ALDH3A2: variants seen among roughly 807,000 people sequenced by gnomAD.
ALDH3A2 encodes the protein aldehyde dehydrogenase family 3 member A2.
Under a neutral mutation model 51.3 loss-of-function variants are expected in ALDH3A2, and 36 were observed. The observed-to-expected ratio is 0.70, with a 90% CI of 0.54 to 0.93. The LOEUF is 0.93. Among genes scored for constraint, ALDH3A2 ranks in the 40% least tolerant of loss-of-function variants. The pLI, the probability that ALDH3A2 is intolerant of heterozygous loss-of-function variation, is 0.00. For missense variants in ALDH3A2, 552 were observed against 603.1 expected, an observed-to-expected ratio of 0.92 and a Z score of 0.89; for synonymous variants, 199 against 219.8, an observed-to-expected ratio of 0.91 and a Z score of 0.84.
At position 19,672,652 on chromosome 17, in the gene ALDH3A2, C is replaced by T. The variant is rs142620636; in HGVS notation, c.1443+696C>T. Among the ~76,000 whole-genome samples, 192 of 152,228 alleles carry T rather than the reference C, an allele frequency of 1.3e-3. 1 individual carries two copies. The highest frequency in any genetic ancestry group is 4.1e-3 in the African/African-American group (170 of 41,530). On this transcript the variant is annotated intron_variant, in intron 9 of 9. Coordinates refer to ENST00000176643, the MANE Select transcript of ALDH3A2 (RefSeq NM_000382.3). The stretch of plus-strand genomic sequence containing the variant: ...CAATTGTGTCTGTGGTGCCCTCAGC[C>T]GTTCAACTGAGGATATAACATTGAA...
intron 1 of ALDH3A2, among the ~76,000 whole-genome samples, chr17:19,651,208 A>T (rs1409897891): frequency 6.6e-6 from 1 of 152,238 alleles, no homozygotes; most frequent in Non-Finnish European, 1.5e-5. Context: ...GTGTGTTCAG[A>T]GCAGACCTTT....
chr17:19,657,650 T>G, intron 4 of ALDH3A2, 95 bp from the exon 5 acceptor site: 2 of 953,932 alleles, frequency 2.1e-6, no homozygotes, highest in Admixed American at 3.5e-5. Flanking sequence ...TATGAATCTA[T>G]TTTAGTTGCA....
At chr17:19,675,092 T>C (rs1044048339) in intron 9 of ALDH3A2, 1 of 159,358 alleles carries the variant, frequency 6.3e-6, no homozygotes, top group Non-Finnish European at 1.4e-5. Context: ...CAACTAAATA[T>C]GACATTTGAA....
intron 3 of ALDH3A2, among the ~76,000 whole-genome samples, chr17:19,653,360 G>A (rs528623758): frequency 1.3e-5 from 2 of 152,228 alleles, no homozygotes; most frequent in South Asian, 2.1e-4. Flanking sequence ...GAATTGGTGG[G>A]TTCTCGGTCT....
intron 3 of ALDH3A2, among the ~76,000 whole-genome samples, chr17:19,655,974 TGAGACA>T (rs2084889574): frequency 6.6e-6 from 1 of 152,264 alleles, no homozygotes. Flanking sequence ...CTCTGTGTTG[TGAGACA>T]GAGAACATTC....
intron 8 of ALDH3A2, 62 bp from the exon 9 acceptor site, chr17:19,671,659 T>TA: frequency 9.7e-6 from 14 of 1,445,102 alleles, no homozygotes; most frequent in Non-Finnish European, 9.7e-6. Context: ...CGGTCGTTGT[T>TA]AGACAGAAGT....
At chr17:19,663,221 C>A in intron 6 of ALDH3A2, 112 bp from the exon 7 acceptor site, 3 of 1,253,894 alleles carry the variant, frequency 2.4e-6, no homozygotes, top group South Asian at 1.2e-5. Context: ...ATAGATATGA[C>A]TTGGGTGGGA....
chr17:19,650,598 C>T (rs574406785), intron 1 of ALDH3A2, among the ~76,000 whole-genome samples: 21 of 152,162 alleles, frequency 1.4e-4, no homozygotes, highest in African/African-American at 4.8e-4. Context: ...GGACTACAGG[C>T]GCCCGCCACC....
rs2084815592 is a variant in ALDH3A2 at position 19,651,612 on chromosome 17, G to A, written c.219G>A (p.Glu73=). The change falls in exon 2 of 10, where the codon GAG becomes GAA. Residue 73 remains glutamate, a synonymous_variant. Transcript: ENST00000176643. ...TTGGGGAAATTGATTTTATGCTTGA[G>A]AATCTTCCTGAATGGGTTACTGCTA... ...TVLGEIDFML[E]NLPEWVTAKP... 2 of 1,614,086 alleles carry A rather than the reference G, an allele frequency of 1.2e-6. No homozygotes were observed. Among genetic ancestry groups the A allele is most frequent in the Admixed American group, 1.7e-5 (1 of 60,012 alleles).
At chr17:19,665,376 C>CGTGTGTGTGTGTGTGTGTGTGT (rs34642385) in intron 8 of ALDH3A2, among the ~76,000 whole-genome samples, 7 of 144,924 alleles carry the variant, frequency 4.8e-5, no homozygotes, top group African/African-American at 1.0e-4. Context: ...GATCTCTCTT[C>CGTGTGTGTGTGTGTGTGTGTGT]GTGTGTGTGT....
At chr17:19,655,841 C>G (rs2152327997) in intron 3 of ALDH3A2, among the ~76,000 whole-genome samples, 1 of 152,304 alleles carries the variant, frequency 6.6e-6, no homozygotes, top group Admixed American at 6.5e-5. Flanking sequence ...AGTAGCTTGC[C>G]TAAGGTTGCA....
chr17:19,653,335 A>G (rs1414350373), intron 3 of ALDH3A2, among the ~76,000 whole-genome samples: 2 of 152,092 alleles, frequency 1.3e-5, no homozygotes, highest in Non-Finnish European at 2.9e-5. Context: ...GTGAGCCACC[A>G]TGCCCATGTG....
intron 9 of ALDH3A2, 53 bp downstream of exon 9, chr17:19,672,009 T>C: frequency 1.2e-5 from 18 of 1,455,400 alleles, no homozygotes; most frequent in Non-Finnish European, 1.6e-5. Context: ...GCCTGATGGC[T>C]GCCAGATGCA....
At chr17:19,648,750 C>T (rs1268049127), upstream of ALDH3A2, 8 of 623,940 alleles carry the variant, frequency 1.3e-5, no homozygotes, top group Middle Eastern at 4.4e-4. Context: ...GGGTCGAGCT[C>T]AGTCCTCCCC....
intron 9 of ALDH3A2, chr17:19,672,527 T>C (rs1428513969): frequency 1.1e-5 from 2 of 174,958 alleles, no homozygotes; most frequent in African/African-American, 2.4e-5. Context: ...GGGATGGGCT[T>C]GCAAAGAGGC....
In ALDH3A2 at chr17:19,651,707, T is replaced by G. The variant is rs771050461; in HGVS notation, c.314T>G (p.Val105Gly). The change falls in exon 2 of 10, where the codon GTG becomes GGG. Residue 105 changes from valine (V) to glycine (G), a missense_variant. Coordinates refer to ENST00000176643, the MANE Select transcript of ALDH3A2 (RefSeq NM_000382.3). ...AYIQPQPLGV[V>G]LIIGAWNYPF... ...ATTCAGCCACAGCCTCTGGGAGTGG[T>G]GCTGATAATCGGAGCTTGGAATTAC... 1 of 1,614,198 alleles carries G rather than the reference T, an allele frequency of 6.2e-7. No homozygotes were observed. The highest frequency in any genetic ancestry group is 8.5e-7 in the Non-Finnish European group (1 of 1,180,040).
chr17:19,648,802 T>G lies in ALDH3A2; in HGVS notation c.-170T>G. The G allele has an allele frequency of 1.1e-6, 1 of 906,076 alleles. No individual in the cohort carries two copies. The highest frequency in any genetic ancestry group is 1.7e-6 in the Non-Finnish European group (1 of 603,190). 56.1% of individuals were successfully genotyped at this position (906,076 alleles called of 1,614,324 possible). On this transcript the variant is annotated 5_prime_UTR_variant, in exon 1 of 10. Transcript: ENST00000176643. ...CAGTGGGACTCAGCGGGCGTGGAGG[T>G]CGCGGCTGAGCGAGCGAGCCCTGGG...
In ALDH3A2 at chr17:19,664,987, G is replaced by T; in HGVS notation, c.1147G>T (p.Val383Phe). The change falls in exon 8 of 10, where the codon GTC (valine) becomes TTC (phenylalanine). Residue 383 changes from valine to phenylalanine, a missense_variant. Transcript: ENST00000176643. ...GATTGATGAGACATCCAGTGGAGGTGTCACAGGCAATGACGTCATTATGCA... is the reference window on the plus strand; with the variant it reads ...GATTGATGAGACATCCAGTGGAGGTTTCACAGGCAATGACGTCATTATGCA... ...RMIDETSSGG[V>F]TGNDVIMHFT... 1 of 1,613,996 alleles carries T rather than the reference G, an allele frequency of 6.2e-7. No homozygotes were observed. Among genetic ancestry groups the T allele is most frequent in the Non-Finnish European group, 8.5e-7 (1 of 1,180,006 alleles).
rs1465648063 is a variant in ALDH3A2, at chr17:19,651,559, G to C, written c.166G>C (p.Val56Leu). The change falls in exon 2 of 10, where the codon GTG becomes CTG. Residue 56 changes from valine (V) to leucine (L), a missense_variant. Transcript: ENST00000176643. ...TCTCTTATAACAGAGTGAATTCAATGTGTACAGTCAGGAAGTCATTACTGT... is the reference window on the plus strand; with the variant it reads ...TCTCTTATAACAGAGTGAATTCAATCTGTACAGTCAGGAAGTCATTACTGT... ...AADLCKSEFN[V>L]YSQEVITVLG... 8 of 1,612,770 alleles carry C rather than the reference G, an allele frequency of 5.0e-6. No homozygotes were observed. The highest frequency in any genetic ancestry group is 6.8e-6 in the Non-Finnish European group (8 of 1,178,868).
Sources: gnomAD v4.1 joint callset for allele counts (sites outside exome capture counted in the v4.1 genomes callset) on GRCh38, gnomAD v4.1.1 for gene constraint, MANE v1.5 for transcripts, NCBI Gene and HGNC (gene_info 2026-07-23, HGNC 2026-07-21) for gene names.